The following GRK4 variants were observed in gnomAD, a reference collection of about 807,000 sequenced individuals.
The protein encoded by GRK4 is G protein-coupled receptor kinase 4.
A neutral mutation model predicts 77.9 loss-of-function variants in GRK4; 73 were observed. The ratio of observed to expected loss-of-function variants is 0.94; its 90% CI spans 0.78 to 1.14. GRK4 has a LOEUF of 1.14. Among genes scored for constraint, GRK4 ranks in the 50% most tolerant of loss-of-function variants. GRK4 has a pLI of 0.00. For synonymous variants in GRK4, 257 were observed against 254.4 expected (o/e 1.01, Z -0.10); for missense variants, 729 against 700.2 (o/e 1.04, Z -0.46).
chr4:3,001,326 T>TAC lies in GRK4; in HGVS notation c.340-2877_340-2876dup, dbSNP rs771757282. Among the ~76,000 whole-genome samples the TAC allele has an allele frequency of 9.1e-3, 1,045 of 115,158 alleles. 23 individuals are homozygous for TAC. Among genetic ancestry groups the TAC allele is most frequent in the South Asian group, 0.029 (114 of 3,932 alleles). 75.5% of individuals were successfully genotyped at this position (115,158 alleles called of 152,430 possible). On this transcript the variant is annotated intron_variant, in intron 4 of 15. Transcript: ENST00000398052. Reference sequence around the variant, plus strand: ...GTATATATGTGTGTGTGAGTACATATACACACACACACACACACACACACA... The same window carrying TAC: ...GTATATATGTGTGTGTGAGTACATATACACACACACACACACACACACACACA...
intron 3 of GRK4, among the ~76,000 whole-genome samples, chr4:2,990,246 C>CTTTTTTTTTTTTTTTTTTT (rs71644371): frequency 1.4e-5 from 1 of 70,716 alleles, no homozygotes; most frequent in Non-Finnish European, 2.6e-5. Context: ...TCTTCTTCTT[C>CTTTTTTTTTTTTTTTTTTT]TTTTTTTTTT....
chr4:2,987,235 CT>C (rs34731815), intron 2 of GRK4: 13 of 438,468 alleles, frequency 3.0e-5, no homozygotes, highest in Non-Finnish European at 3.6e-5. Context: ...TTGTGACAGG[CT>C]TTTTTTACGT....
At chr4:3,037,044 GGTGTGTGT>G (rs1271637092) in intron 13 of GRK4, among the ~76,000 whole-genome samples, 2 of 144,276 alleles carry the variant, frequency 1.4e-5, no homozygotes, top group East Asian at 2.0e-4. Context: ...CCTCAGGAGG[GGTGTGTGT>G]GTGTGTGTGT....
At chr4:2,965,570 G>T (rs1366647960) in intron 1 of GRK4, 2 of 656,426 alleles carry the variant, frequency 3.0e-6, no homozygotes, top group Non-Finnish European at 5.6e-6. Flanking sequence ...TGGAGCCGAA[G>T]GTGGCGGCCA....
intron 14 of GRK4, 67 bp from the exon 15 acceptor site, chr4:3,038,309 C>G: frequency 6.3e-7 from 1 of 1,590,884 alleles, no homozygotes; most frequent in South Asian, 1.1e-5. Context: ...GCTGCTGGCA[C>G]TGGGAGACAC....
chr4:2,990,450 T>G lies in GRK4; in HGVS notation c.261+1611T>G, dbSNP rs145284855. Among the ~76,000 whole-genome samples, 1,126 of 152,038 alleles carry G rather than the reference T, an allele frequency of 7.4e-3. 12 individuals carry two copies. Among genetic ancestry groups the G allele is most frequent in the African/African-American group, 0.025 (1,053 of 41,452 alleles). On this transcript the variant is annotated intron_variant, in intron 3 of 15. Coordinates refer to ENST00000398052, the MANE Select transcript of GRK4 (RefSeq NM_182982.3). ...TTTTGTATTTTTAGTAGAGACGGGG[T>G]TTCCCCATGTTGGCTAGGCTGGTCT...
At chr4:3,027,510 C>T (rs575432401) in intron 10 of GRK4, among the ~76,000 whole-genome samples, 120 of 152,344 alleles carry the variant, frequency 7.9e-4, no homozygotes, top group Non-Finnish European at 1.4e-3. Flanking sequence ...TCATGTGTAG[C>T]TGTCCCTGTG....
intron 1 of GRK4, chr4:2,965,652 C>G (rs1313998330): frequency 3.4e-6 from 2 of 588,076 alleles, no homozygotes; most frequent in East Asian, 5.7e-5. Context: ...CCAGCCTGGG[C>G]AAAACACAGC....
chr4:3,029,528 C>T (rs1738547774), intron 12 of GRK4, 119 bp downstream of exon 12: 3 of 771,262 alleles, frequency 3.9e-6, no homozygotes, highest in African/African-American at 3.5e-5. Flanking sequence ...GGTCACCCAC[C>T]TCCCAGGCCC....
chr4:3,030,905 C>G (rs1254359228), intron 12 of GRK4, among the ~76,000 whole-genome samples: 1 of 152,066 alleles, frequency 6.6e-6, no homozygotes, highest in African/African-American at 2.4e-5. Context: ...TTGCCGGCCA[C>G]TGGGAGAGAA....
At chr4:3,026,256 C>T (rs1171636866) in intron 10 of GRK4, among the ~76,000 whole-genome samples, 2 of 152,174 alleles carry the variant, frequency 1.3e-5, no homozygotes, top group Non-Finnish European at 1.5e-5. Context: ...CCCACAGCCT[C>T]GCCAGCAGAC....
intron 4 of GRK4, among the ~76,000 whole-genome samples, chr4:3,001,275 A>G (rs1729682346): frequency 7.0e-6 from 1 of 143,780 alleles, no homozygotes; most frequent in Non-Finnish European, 1.5e-5. Context: ...GTGTGTATGT[A>G]TGTATGTATA....
intron 1 of GRK4, among the ~76,000 whole-genome samples, chr4:2,965,012 A>G (rs1193908165): frequency 3.3e-5 from 5 of 152,274 alleles, no homozygotes; most frequent in East Asian, 1.9e-4. Context: ...ACGCAGCTAC[A>G]AGGCCACCAG....
intron 15 of GRK4, among the ~76,000 whole-genome samples, chr4:3,039,191 G>A (rs959929755): frequency 6.6e-6 from 1 of 152,134 alleles, no homozygotes; most frequent in African/African-American, 2.4e-5. Context: ...ACTCCAGCCT[G>A]GGCAACAGCG....
At chr4:3,019,580 G>A in intron 8 of GRK4, 61 bp from the exon 9 acceptor site, 1 of 1,308,658 alleles carries the variant, frequency 7.6e-7, no homozygotes, top group South Asian at 1.3e-5. Flanking sequence ...TTAGCAAATA[G>A]AGGAAATCAC....
In GRK4 at chr4:2,992,372, G is replaced by GT; in HGVS notation, c.339+81dup. The GT allele has an allele frequency of 4.3e-6, 4 of 939,544 alleles. No individual in the cohort carries two copies. The Admixed American group carries it at 7.5e-5, about 18-fold the overall frequency. 58.2% of individuals were successfully genotyped at this position (939,544 alleles called of 1,614,324 possible). A position where few individuals can be genotyped will look rare whatever the true frequency, so the allele number is the denominator to read the frequency against. On this transcript the variant is annotated intron_variant, in intron 4 of 15. Transcript: ENST00000398052. The stretch of plus-strand genomic sequence containing the variant: ...CCATTTTTACTTTGTTAGATAAGAC[G>GT]TAACATATGTTAAAAGCTTTAATTT...
chr4:3,018,342 G>C (rs189447227), intron 8 of GRK4, among the ~76,000 whole-genome samples: 1 of 152,244 alleles, frequency 6.6e-6, no homozygotes, highest in East Asian at 1.9e-4. Context: ...AAATGTTACT[G>C]ATACCATTTA....
At chr4:3,030,780 G>A (rs1289954359) in intron 12 of GRK4, among the ~76,000 whole-genome samples, 1 of 152,226 alleles carries the variant, frequency 6.6e-6, no homozygotes, top group African/African-American at 2.4e-5. Context: ...CCCAGGCCAT[G>A]CTGAACCACC....
At chr4:3,029,548 CCCTGCA>C (rs1490368197) in intron 12 of GRK4, 139 bp downstream of exon 12, 24 of 682,480 alleles carry the variant, frequency 3.5e-5, no homozygotes, top group Non-Finnish European at 5.8e-5. Flanking sequence ...CTGCCCCTGC[CCCTGCA>C]GCCCAGTAGG....
Sources: gnomAD v4.1 joint callset for allele counts (sites outside exome capture counted in the v4.1 genomes callset) on GRCh38, gnomAD v4.1.1 for gene constraint, MANE v1.5 for transcripts, NCBI Gene and HGNC (gene_info 2026-07-23, HGNC 2026-07-21) for gene names.